PXDN: variants seen among roughly 807,000 people sequenced by gnomAD.
The protein encoded by PXDN is peroxidasin.
A neutral mutation model predicts 140.3 loss-of-function variants in PXDN; 77 were observed. The ratio of observed to expected loss-of-function variants is 0.55; its 90% CI spans 0.46 to 0.66. The LOEUF (loss-of-function observed/expected upper bound fraction) is 0.66. Ranked by LOEUF, PXDN falls within the 30% of genes least tolerant of loss-of-function variation. The pLI, the probability that PXDN is intolerant of heterozygous loss-of-function variation, is 0.00. For synonymous variants in PXDN, 911 were observed against 857.4 expected (o/e 1.06, Z -1.09); for missense variants, 1,838 against 2,039.5 (o/e 0.90, Z 1.90).
At chr2:1,673,884 G>A in intron 8 of PXDN, 72 bp from the exon 9 acceptor site, 1 of 1,530,472 alleles carries the variant, frequency 6.5e-7, no homozygotes, top group Non-Finnish European at 9.0e-7. Flanking sequence ...CCCCAGCACA[G>A]GGGTTTCCAG....
intron 7 of PXDN, among the ~76,000 whole-genome samples, chr2:1,678,336 T>C (rs929642634): frequency 5.3e-5 from 8 of 152,072 alleles, no homozygotes; most frequent in African/African-American, 1.9e-4. Context: ...CACCACAAAA[T>C]CAAAATAAGC....
At chr2:1,735,534 T>C (rs530183697) in intron 1 of PXDN, among the ~76,000 whole-genome samples, 5 of 152,340 alleles carry the variant, frequency 3.3e-5, no homozygotes, top group Non-Finnish European at 7.3e-5. Flanking sequence ...ACGAGATGCA[T>C]TGTAAACGAG....
intron 1 of PXDN, among the ~76,000 whole-genome samples, chr2:1,712,917 G>A (rs1369195932): frequency 1.3e-5 from 2 of 152,110 alleles, no homozygotes; most frequent in Non-Finnish European, 2.9e-5. Context: ...GTAGAGATGA[G>A]GTTCACCATG....
At position 1,648,989 on chromosome 2, in the gene PXDN, T is replaced by C; in HGVS notation, c.2791A>G (p.Ser931Gly). ...CCCTGCCGCAGCAGGCCGCGGTGGCTGGCCAGGTCGCGGATGCTGCGGGCC... is the reference window on the plus strand; with the variant it reads ...CCCTGCCGCAGCAGGCCGCGGTGGCCGGCCAGGTCGCGGATGCTGCGGGCC... ...HEARSIRDLA[S>G]HRGLLRQGIV... Residue 931 changes from serine to glycine, a missense_variant, in exon 17 of 23, where the codon AGC (serine) becomes GGC (glycine). Ser to Gly is a moderately conservative substitution (Grantham distance 56). Around this residue, in one of 5 missense-constraint regions of PXDN, gnomAD observed 850 missense variants for 894.1 expected, o/e 0.95. Transcript: ENST00000252804. This position sits in a 1 kb window ranked among gnomAD's most constrained non-coding sequence, Gnocchi z 8.9. The C allele has an allele frequency of 1.2e-6, 2 of 1,611,196 alleles. No individual in the cohort carries two copies. The highest frequency in any genetic ancestry group is 1.7e-6 in the Non-Finnish European group (2 of 1,178,906).
intron 14 of PXDN, among the ~76,000 whole-genome samples, chr2:1,655,385 C>G (rs1310481704): frequency 6.6e-6 from 1 of 151,336 alleles, no homozygotes; most frequent in Non-Finnish European, 1.5e-5. Context: ...AATCACATTA[C>G]ACACACACAC....
intron 1 of PXDN, among the ~76,000 whole-genome samples, chr2:1,735,033 A>G (rs1368195541): frequency 1.3e-5 from 2 of 152,248 alleles, no homozygotes; most frequent in Non-Finnish European, 2.9e-5. Context: ...ATTCATCTCA[A>G]GAAGCCACTT....
intron 3 of PXDN, among the ~76,000 whole-genome samples, chr2:1,689,252 T>C (rs1684132866): frequency 6.6e-6 from 1 of 152,232 alleles, no homozygotes; most frequent in African/African-American, 2.4e-5. Flanking sequence ...CATTAACCAT[T>C]GTTCACATGG....
In PXDN at chr2:1,648,222, C is replaced by T. The variant is rs1193855391; in HGVS notation, c.3558G>A (p.Glu1186=). Residue 1186 remains glutamate, a synonymous_variant, in exon 17 of 23, where the codon GAG becomes GAA. Transcript: ENST00000252804. The surrounding 1 kb of genome is among the most constrained non-coding windows in gnomAD (Gnocchi z 8.9). ...GGTTTTTAATCTCATTTTTCAGGTC[C>T]TCGAACGTGTGTGCCGCCGATAGAT... ...YCNLSAAHTF[E]DLKNEIKNPE... is the part of the protein sequence containing the mutation. 3.1e-6 allele frequency: 5 copies of T among 1,613,790 alleles called. No individual in the cohort carries two copies. The highest frequency in any genetic ancestry group is 4.2e-6 in the Non-Finnish European group (5 of 1,179,772).
In PXDN at chr2:1,666,267, G is replaced by A; in HGVS notation, c.1238C>T (p.Ser413Phe). Residue 413 changes from serine to phenylalanine, a missense_variant, in exon 10 of 23, where the codon TCT (serine) becomes TTT (phenylalanine). By Grantham distance (155) the Ser-to-Phe change is radical (BLOSUM62 -2). Transcript: ENST00000252804. The stretch of plus-strand genomic sequence containing the variant: ...GACGCTGTCAATGTTGTTGGTCGCA[G>A]AGCACGCATACTCTCCGCTGTCCCC... ...VQGDSGEYAC[S>F]ATNNIDSVHA... 6.2e-7 allele frequency: 1 copy of A among 1,614,050 alleles called. No homozygotes were observed. Among genetic ancestry groups the A allele is most frequent in the Non-Finnish European group, 8.5e-7 (1 of 1,179,902 alleles).
chr2:1,713,965 C>T (rs1000005723), intron 1 of PXDN, among the ~76,000 whole-genome samples: 2 of 152,210 alleles, frequency 1.3e-5, no homozygotes, highest in East Asian at 1.9e-4. Flanking sequence ...CTCTCCTGTG[C>T]GGGCCAGGCA....
At position 1,712,111 on chromosome 2, in the gene PXDN, T is replaced by C. The variant is rs151319132; in HGVS notation, c.201-18977A>G. Among the ~76,000 whole-genome samples the C allele has an allele frequency of 8.3e-3, 1,262 of 152,260 alleles. 19 individuals carry two copies. Among genetic ancestry groups the C allele is most frequent in the African/African-American group, 0.029 (1,214 of 41,532 alleles). On this transcript the variant is annotated intron_variant, in intron 1 of 22. Transcript: ENST00000252804. ...AGCCATTTTTTCTCTCCAATTAATA[T>C]AGACTCAGAAAAGAAGGAACTGAGA...
At chr2:1,702,613 T>G (rs1015284124) in intron 1 of PXDN, among the ~76,000 whole-genome samples, 2 of 151,858 alleles carry the variant, frequency 1.3e-5, no homozygotes, top group South Asian at 2.1e-4. Flanking sequence ...GCACAGCTTG[T>G]TTTTTTTGTT....
intron 22 of PXDN, 87 bp from the exon 23 acceptor site, chr2:1,634,410 C>T: frequency 6.8e-7 from 1 of 1,470,712 alleles, no homozygotes; most frequent in African/African-American, 1.4e-5. Flanking sequence ...CAGGTGTCAG[C>T]CACGGCCATG....
chr2:1,693,997 G>A (rs766991249), intron 1 of PXDN, among the ~76,000 whole-genome samples: 1 of 152,238 alleles, frequency 6.6e-6, no homozygotes, highest in Non-Finnish European at 1.5e-5. Flanking sequence ...CTCTACCCTT[G>A]CAGACAGCCC....
intron 19 of PXDN, among the ~76,000 whole-genome samples, chr2:1,640,298 G>C (rs1035378622): frequency 6.6e-6 from 1 of 152,240 alleles, no homozygotes; most frequent in Non-Finnish European, 1.5e-5. Context: ...GGCAGAGCAC[G>C]AAAGTGAAGG....
chr2:1,744,481 G>A lies in PXDN; in HGVS notation c.-26C>T. The A allele has an allele frequency of 4.9e-6, 7 of 1,422,488 alleles. No individual in the cohort carries two copies. The highest frequency in any genetic ancestry group is 1.5e-5 in the African/African-American group (1 of 66,782). 88.1% of individuals were successfully genotyped at this position (1,422,488 alleles called of 1,614,324 possible). On this transcript the variant is annotated 5_prime_UTR_variant, in exon 1 of 23. Transcript: ENST00000252804. ...GGCCGACGGCGCGGACGGACGCTCG[G>A]ACGCACGGAGCCACCACGGCCGGCT...
At position 1,648,920 on chromosome 2, in the gene PXDN, C is replaced by T. The variant is rs1188267256; in HGVS notation, c.2860G>A (p.Gly954Arg). 2 of 1,602,158 alleles carry T rather than the reference C, an allele frequency of 1.2e-6. No homozygotes were observed. The highest frequency in any genetic ancestry group is 8.5e-7 in the Non-Finnish European group (1 of 1,175,374). ...SGKPLLPFAT[G>R]PPTECMRDEN... ...TCCCGCATGCACTCCGTGGGCGGCC[C>T]GGTGGCGAAGGGGAGCAGCGGCTTC... The change falls in exon 17 of 23, where the codon GGG becomes AGG. Residue 954 changes from glycine (G) to arginine (R), a missense_variant. Physicochemically the swap from Gly to Arg is moderately radical, Grantham distance 125. Around this residue, in one of 5 missense-constraint regions of PXDN, gnomAD observed 850 missense variants for 894.1 expected, o/e 0.95. Transcript: ENST00000252804. The surrounding 1 kb of genome is among the most constrained non-coding windows in gnomAD (Gnocchi z 8.9).
intron 1 of PXDN, among the ~76,000 whole-genome samples, chr2:1,717,456 A>G (rs1007021054): frequency 2.0e-5 from 3 of 152,154 alleles, no homozygotes; most frequent in Non-Finnish European, 2.9e-5. Context: ...GTCCACACAC[A>G]AACGGAAAAG....
chr2:1,702,451 CAT>C (rs928296976), intron 1 of PXDN, among the ~76,000 whole-genome samples: 7 of 152,368 alleles, frequency 4.6e-5, no homozygotes, highest in East Asian at 1.9e-4. Flanking sequence ...GACTCTCCCA[CAT>C]GTCACAGATG....
Sources: gnomAD v4.1 joint callset for allele counts (sites outside exome capture counted in the v4.1 genomes callset) on GRCh38, gnomAD v4.1.1 for gene constraint, gnomAD v4.1.1 regional missense constraint, Gnocchi (gnomAD v3.1) non-coding constraint, MANE v1.5 for transcripts, NCBI Gene and HGNC (gene_info 2026-07-23, HGNC 2026-07-21) for gene names.